Variants in MCM10 observed in about 807,000 individuals in gnomAD.
The protein encoded by MCM10 is minichromosome maintenance 10 replication initiation factor.
In MCM10, 91 loss-of-function variants were observed where a neutral mutation model predicts 109.9. That is an observed-to-expected ratio of 0.83 (90% CI 0.70 to 0.99). MCM10 has a LOEUF of 0.99. Among genes scored for constraint, MCM10 ranks in the 50% least tolerant of loss-of-function variants. The probability of loss-of-function intolerance (pLI) is 0.00; values close to 1 mark genes in which losing one functional copy is unlikely to be tolerated. For missense variants in MCM10, 1,077 were observed against 1,061.2 expected, an observed-to-expected ratio of 1.01 and a Z score of -0.21; for synonymous variants, 380 against 387.2, an observed-to-expected ratio of 0.98 and a Z score of 0.22.
chr10:13,169,267 C>T (rs1322270577), intron 2 of MCM10, among the ~76,000 whole-genome samples: 1 of 152,156 alleles, frequency 6.6e-6, no homozygotes, highest in East Asian at 1.9e-4. Context: ...TTGCCATGGA[C>T]GCGGCAACCC....
chr10:13,173,423 A>C (rs1834101622), intron 5 of MCM10, among the ~76,000 whole-genome samples: 1 of 152,216 alleles, frequency 6.6e-6, no homozygotes, highest in Non-Finnish European at 1.5e-5. Context: ...TTTCTGGAAA[A>C]GACTTCTTTG....
At chr10:13,166,062 C>T (rs145746767) in intron 2 of MCM10, among the ~76,000 whole-genome samples, 250 of 151,892 alleles carry the variant, frequency 1.6e-3, no homozygotes, top group Non-Finnish European at 2.7e-3. Context: ...AAACAATAAA[C>T]GGGTAGTTAG....
Position 13,182,834 on chromosome 10 carries a change from A to G in MCM10, c.931-99A>G, listed in dbSNP as rs1834225608. 1 of 897,244 alleles carries G rather than the reference A, an allele frequency of 1.1e-6. No individual in the cohort carries two copies. The allele number at this position is 897,244 out of a possible 1,614,324, so 55.6% of individuals were successfully genotyped here. On this transcript the variant is annotated intron_variant, in intron 7 of 19. Transcript: ENST00000378714. This position sits in a 1 kb window ranked among gnomAD's most constrained non-coding sequence, Gnocchi z 4.2. ...CAACAAAAAAACTTGGATTTTATGG[A>G]TTATAGGCATATAGTTTTCCATAGT...
chr10:13,165,194 G>A (rs533124724), intron 2 of MCM10, among the ~76,000 whole-genome samples: 2 of 152,314 alleles, frequency 1.3e-5, no homozygotes, highest in Admixed American at 1.3e-4. Context: ...TAGGCACAGT[G>A]AGAGATGAAC....
chr10:13,187,026 C>G (rs561025466), intron 9 of MCM10, among the ~76,000 whole-genome samples: 1 of 152,226 alleles, frequency 6.6e-6, no homozygotes, highest in East Asian at 1.9e-4. Context: ...GTCAACAATT[C>G]AGTAATTTCT....
rs1834343569 is a variant in MCM10 at position 13,191,309 on chromosome 10, G to A, written c.1426G>A (p.Val476Met). 1 of 1,613,108 alleles carries A rather than the reference G, an allele frequency of 6.2e-7. No homozygotes were observed. The highest frequency in any genetic ancestry group is 8.5e-7 in the Non-Finnish European group (1 of 1,179,070). Residue 476 changes from valine to methionine, a missense_variant, in exon 11 of 20, where the codon GTG (valine) becomes ATG (methionine). Val to Met is a conservative substitution (Grantham distance 21). Transcript: ENST00000378714. ...ASYAASIAAA[V>M]APKKKIQTTL... is the part of the protein sequence containing the mutation. ...GACTTGTCATTTCAGTGCAGCAGCT[G>A]TGGCTCCTAAGAAGAAGATTCAAAC...
At position 13,197,659 on chromosome 10, in the gene MCM10, G is replaced by C; in HGVS notation, c.2011G>C (p.Val671Leu). The C allele has an allele frequency of 6.2e-7, 1 of 1,613,934 alleles. No homozygotes were observed. The change falls in exon 15 of 20, where the codon GTT becomes CTT. Residue 671 changes from valine to leucine, a missense_variant. By Grantham distance (32) the Val-to-Leu change is conservative (BLOSUM62 1). Transcript: ENST00000378714. ...AITKLRAKGQVLTKTNPNSIK... is the reference protein window; with the variant it reads ...AITKLRAKGQLLTKTNPNSIK... ...CACCAAATTAAGGGCAAAAGGCCAG[G>C]TTCTTACAAAAACAAACCCAAACAG...
chr10:13,191,566 GCAA>G (rs1564389251), intron 11 of MCM10, among the ~76,000 whole-genome samples, 167 bp downstream of exon 11: 2 of 80,880 alleles, frequency 2.5e-5, no homozygotes, highest in Non-Finnish European at 6.1e-5. Flanking sequence ...AAATAAATAA[GCAA>G]GCAAGCAAGC....
chr10:13,191,230 G>C (rs1834342933), intron 10 of MCM10, 69 bp from the exon 11 acceptor site: 2 of 991,046 alleles, frequency 2.0e-6, no homozygotes, highest in Non-Finnish European at 1.6e-6. Context: ...TGATATCTAT[G>C]CCTTCTTTAC....
Position 13,195,200 on chromosome 10 carries a change from T to A in MCM10, c.1905T>A (p.Asp635Glu). 6.2e-7 allele frequency: 1 copy of A among 1,613,260 alleles called. No homozygotes were observed. The highest frequency in any genetic ancestry group is 8.5e-7 in the Non-Finnish European group (1 of 1,179,740). ...PKLGRGVLEG[D>E]DVLFYDESPP... ...TGGGGCGAGGTGTCTTGGAAGGAGA[T>A]GATGTTCTCTTTTATGATGAGTCAC... is the stretch of plus-strand genomic sequence containing the variant. Residue 635 changes from aspartate (D) to glutamate (E), a missense_variant, in exon 14 of 20, where the codon GAT becomes GAA. Physicochemically the swap from Asp to Glu is conservative, Grantham distance 45. Transcript: ENST00000378714.
In MCM10 at chr10:13,182,893, C is replaced by T. The variant is rs774559928; in HGVS notation, c.931-40C>T. 5.9e-6 allele frequency: 9 copies of T among 1,514,174 alleles called. No homozygotes were observed. Among genetic ancestry groups the T allele is most frequent in the South Asian group, 1.2e-5 (1 of 85,042 alleles). The allele number at this position is 1,514,174 out of a possible 1,614,324, so 93.8% of individuals were successfully genotyped here. A position where few individuals can be genotyped will look rare whatever the true frequency, so the allele number is the denominator to read the frequency against. On this transcript the variant is annotated intron_variant, in intron 7 of 19. Transcript: ENST00000378714. This position sits in a 1 kb window ranked among gnomAD's most constrained non-coding sequence, Gnocchi z 4.2. The stretch of plus-strand genomic sequence containing the variant: ...TGAATCATAAATGAGGACGGCATAA[C>T]CTACAGTTCAAAATTATAAAAAATA...
At chr10:13,168,538 G>A (rs1183737556) in intron 2 of MCM10, among the ~76,000 whole-genome samples, 1 of 151,774 alleles carries the variant, frequency 6.6e-6, no homozygotes, top group Non-Finnish European at 1.5e-5. Flanking sequence ...GAGTAGGTCA[G>A]ATATCCTTAA....
At chr10:13,203,136 T>A (rs1449122130) in intron 17 of MCM10, among the ~76,000 whole-genome samples, 1 of 152,174 alleles carries the variant, frequency 6.6e-6, no homozygotes, top group Non-Finnish European at 1.5e-5. Context: ...TGAGCCACCA[T>A]GCCTGGCCTC....
chr10:13,163,687 TTGTGTG>T (rs150847036), intron 1 of MCM10, among the ~76,000 whole-genome samples: 1 of 150,702 alleles, frequency 6.6e-6, no homozygotes, highest in African/African-American at 2.4e-5. Flanking sequence ...CCCCAATAAT[TTGTGTG>T]TGTGTGTGTG....
chr10:13,166,682 A>ATATG (rs1834005420), intron 2 of MCM10, among the ~76,000 whole-genome samples: 1 of 133,264 alleles, frequency 7.5e-6, no homozygotes, highest in African/African-American at 2.6e-5. Context: ...ATATATATAT[A>ATATG]TATATATCAT....
chr10:13,172,451 C>A lies in MCM10; in HGVS notation c.425C>A (p.Ala142Glu). 1 of 1,614,092 alleles carries A rather than the reference C, an allele frequency of 6.2e-7. No individual in the cohort carries two copies. Among genetic ancestry groups the A allele is most frequent in the South Asian group, 1.1e-5 (1 of 91,060 alleles). ...QLKVTTIKQT[A>E]SPARLQKSPE... ...AAAGTAACAACAATTAAACAGACAG[C>A]AAGCCCAGCCCGTCTGCAAAAATCC... is the stretch of plus-strand genomic sequence containing the variant. The change falls in exon 4 of 20, where the codon GCA (alanine) becomes GAA (glutamate). Residue 142 changes from alanine to glutamate, a missense_variant. Ala to Glu is a moderately radical substitution (Grantham distance 107, BLOSUM62 -1). Coordinates refer to ENST00000378714, the MANE Select transcript of MCM10 (RefSeq NM_018518.5). The surrounding 1 kb of genome is among the most constrained non-coding windows in gnomAD (Gnocchi z 5.2).
At chr10:13,175,158 G>T (rs779473771) in intron 5 of MCM10, among the ~76,000 whole-genome samples, 3 of 152,040 alleles carry the variant, frequency 2.0e-5, no homozygotes, top group Non-Finnish European at 4.4e-5. Flanking sequence ...CTGTGTGCGT[G>T]TGCAATGTCT....
At chr10:13,205,731 G>A (rs1834571326) in intron 18 of MCM10, among the ~76,000 whole-genome samples, 2 of 152,174 alleles carry the variant, frequency 1.3e-5, no homozygotes, top group South Asian at 4.1e-4. Flanking sequence ...GGTATAAGAT[G>A]ATAACTCTGA....
chr10:13,195,364 G>A, intron 14 of MCM10, 95 bp downstream of exon 14: 1 of 882,976 alleles, frequency 1.1e-6, no homozygotes, highest in South Asian at 1.8e-5. Context: ...TATTGATCGT[G>A]ATCATTAGAG....
Sources: gnomAD v4.1 joint callset for allele counts (sites outside exome capture counted in the v4.1 genomes callset) on GRCh38, gnomAD v4.1.1 for gene constraint, Gnocchi (gnomAD v3.1) non-coding constraint, MANE v1.5 for transcripts, NCBI Gene and HGNC (gene_info 2026-07-23, HGNC 2026-07-21) for gene names.